THSD1: variants seen among roughly 807,000 people sequenced by gnomAD.
The protein encoded by THSD1 is thrombospondin type 1 domain containing 1, also known as thrombospondin type-1 domain-containing protein 1.
In THSD1, 34 loss-of-function variants were observed where a neutral mutation model predicts 46.3. That is an observed-to-expected ratio of 0.74 (90% confidence interval 0.56 to 0.98). THSD1 has a LOEUF of 0.98. Among genes scored for constraint, THSD1 ranks in the 50% least tolerant of loss-of-function variants. The pLI is 0.00. For synonymous variants in THSD1, 407 were observed against 416.5 expected, an observed-to-expected ratio of 0.98 and a Z score of 0.28; for missense variants, 1,023 against 1,058.3, an observed-to-expected ratio of 0.97 and a Z score of 0.46.
intron 2 of THSD1, 119 bp downstream of exon 2, chr13:52,402,424 A>G (rs1162523185): frequency 1.3e-6 from 1 of 798,262 alleles, no homozygotes; most frequent in African/African-American, 1.7e-5. Flanking sequence ...TTGAGAAAGC[A>G]CTGCACTATA....
intron 1 of THSD1, among the ~76,000 whole-genome samples, chr13:52,404,065 A>C (rs1242591957): frequency 6.7e-6 from 1 of 148,264 alleles, no homozygotes; most frequent in Non-Finnish European, 1.5e-5. Flanking sequence ...GTCCCACCTC[A>C]GGCTTCTGAG....
At chr13:52,384,548 C>T (rs1594098157) in intron 4 of THSD1, 4 of 342,072 alleles carry the variant, frequency 1.2e-5, no homozygotes, top group South Asian at 7.1e-5. Flanking sequence ...TGTGGAATTA[C>T]GGTGAGCCTT....
At chr13:52,392,834 C>T (rs1328643346) in intron 3 of THSD1, among the ~76,000 whole-genome samples, 2 of 152,178 alleles carry the variant, frequency 1.3e-5, no homozygotes, top group African/African-American at 4.8e-5. Context: ...AGCAGTAGCA[C>T]CTGGGATAAG....
At chr13:52,388,719 G>A (rs1415498591) in intron 3 of THSD1, among the ~76,000 whole-genome samples, 1 of 152,124 alleles carries the variant, frequency 6.6e-6, no homozygotes, top group African/African-American at 2.4e-5. Context: ...AACCTCAGGT[G>A]ATCTGCCCAC....
chr13:52,389,526 A>C (rs1957757950), intron 3 of THSD1, among the ~76,000 whole-genome samples: 1 of 152,142 alleles, frequency 6.6e-6, no homozygotes, highest in Non-Finnish European at 1.5e-5. Flanking sequence ...TTACGTATAG[A>C]CATATATATG....
intron 3 of THSD1, among the ~76,000 whole-genome samples, chr13:52,395,043 T>C (rs1957801461): frequency 6.6e-6 from 1 of 152,148 alleles, no homozygotes; most frequent in Non-Finnish European, 1.5e-5. Context: ...GAGGGTGTCC[T>C]GGGCCCCAGT....
intron 2 of THSD1, 68 bp from the exon 3 acceptor site, chr13:52,398,262 G>A (rs779341849): frequency 2.2e-5 from 33 of 1,527,966 alleles, no homozygotes; most frequent in Non-Finnish European, 2.6e-5. Flanking sequence ...TGACATTGAT[G>A]AAAACAGAAT....
At chr13:52,390,204 T>C (rs1957763413) in intron 3 of THSD1, among the ~76,000 whole-genome samples, 1 of 151,740 alleles carries the variant, frequency 6.6e-6, no homozygotes, top group East Asian at 1.9e-4. Context: ...CCCCAAGACC[T>C]ATCAGATCTT....
chr13:52,394,689 AG>A (rs549130735), intron 3 of THSD1, among the ~76,000 whole-genome samples: 253 of 152,202 alleles, frequency 1.7e-3, no homozygotes, highest in African/African-American at 5.9e-3. Context: ...TACCTAGTTG[AG>A]ACTAGCCAAA....
intron 4 of THSD1, among the ~76,000 whole-genome samples, chr13:52,380,063 T>C (rs117201557): frequency 0.021 from 3,186 of 152,188 alleles, 55 homozygotes; most frequent in Middle Eastern, 0.071. Flanking sequence ...AGCCATCCAC[T>C]CCCCTTCCTA....
At position 52,397,372 on chromosome 13, in the gene THSD1, A is replaced by G. The variant is rs1489187950; in HGVS notation, c.881T>C (p.Leu294Pro). The G allele has an allele frequency of 1.2e-6, 2 of 1,614,040 alleles. No individual in the cohort carries two copies. The highest frequency in any genetic ancestry group is 1.3e-5 in the African/African-American group (1 of 74,926). Residue 294 changes from leucine to proline, a missense_variant, in exon 3 of 5, where the codon CTG (leucine) becomes CCG (proline). Coordinates refer to ENST00000258613, the MANE Select transcript of THSD1 (RefSeq NM_018676.4). ...AATTGTCCTCCTCTCTCCCAGGGGC[A>G]GGCTGTTTTCAGCCAAGTGAATGGT... ...KRTIHLAENS[L>P]PLGERRTIFN...
At chr13:52,404,283 C>T (rs1957890276) in intron 1 of THSD1, among the ~76,000 whole-genome samples, 1 of 152,044 alleles carries the variant, frequency 6.6e-6, no homozygotes, top group African/African-American at 2.4e-5. Context: ...ATATTATATT[C>T]CAAATACATG....
chr13:52,405,793 T>A (rs573840494), intron 1 of THSD1, among the ~76,000 whole-genome samples: 1 of 152,332 alleles, frequency 6.6e-6, no homozygotes, highest in East Asian at 1.9e-4. Context: ...CTCGGCAACA[T>A]CTGAGCCAAG....
intron 2 of THSD1, chr13:52,400,139 TCA>T: frequency 6.4e-6 from 1 of 155,886 alleles, no homozygotes; most frequent in Non-Finnish European, 1.4e-5. Flanking sequence ...ACAGGGATTG[TCA>T]GTGAAGCAGA....
intron 3 of THSD1, among the ~76,000 whole-genome samples, chr13:52,389,918 T>C (rs1392985216): frequency 1.3e-5 from 2 of 152,064 alleles, no homozygotes; most frequent in East Asian, 3.9e-4. Context: ...GGCAGGTGGA[T>C]CACTTGAGCT....
chr13:52,388,200 G>A (rs1240248508), intron 3 of THSD1, among the ~76,000 whole-genome samples: 1 of 150,604 alleles, frequency 6.6e-6, no homozygotes, highest in African/African-American at 2.4e-5. Flanking sequence ...AAATATATAT[G>A]TATATATATA....
rs1291154115 is a variant in THSD1 at position 52,397,461 on chromosome 13, T to C, written c.792A>G (p.Pro264=). 2.5e-6 allele frequency: 4 copies of C among 1,613,960 alleles called. No homozygotes were observed. Among genetic ancestry groups the C allele is most frequent in the African/African-American group, 2.7e-5 (2 of 74,886 alleles). Residue 264 remains proline (P), a synonymous_variant, in exon 3 of 5, where the codon CCA becomes CCG. Coordinates refer to ENST00000258613, the MANE Select transcript of THSD1 (RefSeq NM_018676.4). ...SGVEVTVLPP[P]CTFVQGVVTV... ...TGACCACTCCTTGGACGAAGGTGCA[T>C]GGTGGAGGCAGCACTGTCACCTCTA...
At chr13:52,389,818 G>T (rs746976150) in intron 3 of THSD1, among the ~76,000 whole-genome samples, 60 of 152,072 alleles carry the variant, frequency 3.9e-4, no homozygotes, top group Admixed American at 1.4e-3. Flanking sequence ...ATCACTGCCA[G>T]ACAGAACAAA....
rs369124344 is a variant in THSD1 at position 52,377,388 on chromosome 13, T to C, written c.*23A>G. On this transcript the variant is annotated 3_prime_UTR_variant, in exon 5 of 5. Coordinates refer to ENST00000258613, the MANE Select transcript of THSD1 (RefSeq NM_018676.4). ...ACGCGAGTAGCAGACCCCAGCTGTG[T>C]AAAGCTCAGGCTGATTCTCAGTCTA... 6.3e-4 allele frequency: 976 copies of C among 1,538,382 alleles called. 1 individual carries two copies. Among genetic ancestry groups the C allele is most frequent in the Non-Finnish European group, 8.1e-4 (921 of 1,138,082 alleles).
Sources: allele counts gnomAD v4.1 joint callset (sites outside exome capture counted in the v4.1 genomes callset), GRCh38; gene constraint gnomAD v4.1.1; transcripts MANE v1.5; gene names NCBI Gene and HGNC (gene_info 2026-07-23, HGNC 2026-07-21).